The following IQCJ variants were observed in gnomAD, a reference collection of about 807,000 sequenced individuals.
The protein encoded by IQCJ is IQ motif containing J.
A neutral mutation model predicts 11.0 loss-of-function variants in IQCJ; 9 were observed. The observed-to-expected ratio is 0.82, with a 90% CI of 0.49 to 1.43. The LOEUF is 1.43. Among genes scored for constraint, IQCJ ranks in the 40% most tolerant of loss-of-function variants. IQCJ has a pLI of 0.00. For synonymous variants in IQCJ, 55 were observed against 51.3 expected (o/e 1.07, Z -0.31); for missense variants, 146 against 133.2 (o/e 1.10, Z -0.47).
At chr3:159,238,948 T>C (rs1456463848) in intron 1 of IQCJ, among the ~76,000 whole-genome samples, 2 of 152,136 alleles carry the variant, frequency 1.3e-5, no homozygotes, top group Non-Finnish European at 2.9e-5. Flanking sequence ...AGGGAGCTAG[T>C]AGAAAAATGG....
chr3:159,108,026 GA>G (rs1292864742), intron 1 of IQCJ, among the ~76,000 whole-genome samples: 6 of 108,968 alleles, frequency 5.5e-5, no homozygotes, highest in East Asian at 2.6e-4. Context: ...AAAAAAAAAA[GA>G]AAAAAAATTC....
In IQCJ at chr3:159,130,849, A is replaced by G. The variant is rs555824010; in HGVS notation, c.9+61408A>G. On this transcript the variant is annotated intron_variant, in intron 1 of 3. Coordinates refer to ENST00000397832, the MANE Select transcript of IQCJ (RefSeq NM_001042706.3). ...GTCCGATTTACTTTTCTATAGAAAT[A>G]TAGTTTTTTTGTTTGTTTATTGCCT... 8.5e-5 allele frequency among the ~76,000 whole-genome samples: 13 copies of G among 152,300 alleles called. 1 individual carries two copies. The South Asian group carries it at 2.7e-3, about 32-fold the overall frequency.
intron 1 of IQCJ, among the ~76,000 whole-genome samples, chr3:159,087,106 T>C (rs1184232555): frequency 2.0e-5 from 3 of 152,210 alleles, no homozygotes; most frequent in Non-Finnish European, 2.9e-5. Context: ...ATACCTAATG[T>C]ATTGAGAGTT....
At position 159,175,880 on chromosome 3, in the gene IQCJ, T is replaced by G. The variant is rs145059506; in HGVS notation, c.10-69963T>G. 4.0e-3 allele frequency among the ~76,000 whole-genome samples: 607 copies of G among 152,334 alleles called. 7 individuals carry two copies. The highest frequency in any genetic ancestry group is 0.032 in the East Asian group (168 of 5,182). ...GGTAAGTATTTAGTGTATCAGAAAC[T>G]GACAAGCTGTTTTCTATTATGGCTG... On this transcript the variant is annotated intron_variant, in intron 1 of 3. Transcript: ENST00000397832.
intron 1 of IQCJ, among the ~76,000 whole-genome samples, chr3:159,078,810 T>C (rs1716116483): frequency 6.6e-6 from 1 of 152,056 alleles, no homozygotes; most frequent in South Asian, 2.1e-4. Context: ...CCATATAATC[T>C]TGGGCAAACT....
At chr3:159,199,155 G>A (rs1724169330) in intron 1 of IQCJ, among the ~76,000 whole-genome samples, 1 of 152,180 alleles carries the variant, frequency 6.6e-6, no homozygotes, top group South Asian at 2.1e-4. Context: ...CCCAGGAAGT[G>A]AATATGTTAT....
intron 1 of IQCJ, among the ~76,000 whole-genome samples, chr3:159,204,584 C>T (rs980940407): frequency 3.3e-5 from 5 of 152,204 alleles, no homozygotes; most frequent in African/African-American, 4.8e-5. Context: ...AAATATGCAG[C>T]ATCACTTCAG....
At chr3:159,170,778 A>G (rs1029235842) in intron 1 of IQCJ, among the ~76,000 whole-genome samples, 1 of 152,080 alleles carries the variant, frequency 6.6e-6, no homozygotes, top group Non-Finnish European at 1.5e-5. Context: ...CAGACATCCC[A>G]TGCATGGTGG....
At chr3:159,116,619 TA>T (rs1477554917) in intron 1 of IQCJ, among the ~76,000 whole-genome samples, 5 of 7,772 alleles carry the variant, frequency 6.4e-4, no homozygotes, top group Non-Finnish European at 1.3e-3. Flanking sequence ...CATATGTATA[TA>T]TATATATATA....
chr3:159,113,004 A>T (rs1340626688), intron 1 of IQCJ, among the ~76,000 whole-genome samples: 1 of 152,198 alleles, frequency 6.6e-6, no homozygotes. Context: ...GTAATGTGTG[A>T]TTAATTTGGG....
At chr3:159,214,789 G>A (rs1418949768) in intron 1 of IQCJ, among the ~76,000 whole-genome samples, 1 of 152,096 alleles carries the variant, frequency 6.6e-6, no homozygotes, top group Non-Finnish European at 1.5e-5. Context: ...ATGACTATTT[G>A]TTCTTTCTTT....
At chr3:159,086,044 T>G (rs1414787031) in intron 1 of IQCJ, among the ~76,000 whole-genome samples, 4 of 152,210 alleles carry the variant, frequency 2.6e-5, no homozygotes, top group Non-Finnish European at 4.4e-5. Flanking sequence ...GTTTTTATGG[T>G]TTTAGATCTA....
chr3:159,189,254 C>A (rs1329864556), intron 1 of IQCJ, among the ~76,000 whole-genome samples: 1 of 152,124 alleles, frequency 6.6e-6, no homozygotes, highest in East Asian at 1.9e-4. Context: ...AGAGAGGGTG[C>A]AGTTCAAGTA....
At chr3:159,072,776 C>T (rs184534809) in intron 1 of IQCJ, among the ~76,000 whole-genome samples, 313 of 151,950 alleles carry the variant, frequency 2.1e-3, no homozygotes, top group African/African-American at 7.3e-3. Flanking sequence ...ACTGAGGTAC[C>T]GAGAAGTTTA....
chr3:159,144,647 CACAT>C (rs1234020088), intron 1 of IQCJ, among the ~76,000 whole-genome samples: 1 of 80,108 alleles, frequency 1.2e-5, no homozygotes, highest in Admixed American at 1.7e-4. Flanking sequence ...GACGTACACA[CACAT>C]ACACACACAG....
intron 1 of IQCJ, among the ~76,000 whole-genome samples, chr3:159,108,070 T>C (rs1403044238): frequency 6.6e-6 from 1 of 151,428 alleles, no homozygotes; most frequent in East Asian, 1.9e-4. Flanking sequence ...AAAAGAACTT[T>C]AATATAGGGT....
chr3:159,249,552 A>G (rs1203898742), intron 2 of IQCJ, among the ~76,000 whole-genome samples: 3 of 152,096 alleles, frequency 2.0e-5, no homozygotes, highest in African/African-American at 7.2e-5. Context: ...AACTATACCC[A>G]TTTGCCTGGA....
At chr3:159,074,952 T>C (rs1314929236) in intron 1 of IQCJ, among the ~76,000 whole-genome samples, 5 of 152,090 alleles carry the variant, frequency 3.3e-5, no homozygotes, top group Non-Finnish European at 7.4e-5. Flanking sequence ...GCAGACATCT[T>C]CTCATAGAGG....
intron 1 of IQCJ, among the ~76,000 whole-genome samples, chr3:159,178,905 T>C (rs1225029827): frequency 6.6e-6 from 1 of 151,776 alleles, no homozygotes; most frequent in Non-Finnish European, 1.5e-5. Context: ...TGCACGATGA[T>C]GCCTCATTAT....
Sources: gnomAD v4.1 joint callset for allele counts (sites outside exome capture counted in the v4.1 genomes callset) on GRCh38, gnomAD v4.1.1 for gene constraint, MANE v1.5 for transcripts, NCBI Gene and HGNC (gene_info 2026-07-23, HGNC 2026-07-21) for gene names.